Variants in PTPRB observed in about 807,000 individuals in gnomAD.
The protein encoded by PTPRB is receptor-type tyrosine-protein phosphatase beta.
A neutral mutation model predicts 238.1 loss-of-function variants in PTPRB; 97 were observed. The ratio of observed to expected loss-of-function variants is 0.41; its 90% CI spans 0.35 to 0.48. The LOEUF (loss-of-function observed/expected upper bound fraction) is 0.48, where lower values mean the gene tolerates loss of function less well. Among genes scored for constraint, PTPRB ranks in the 20% least tolerant of loss-of-function variants. The pLI is 0.30. For missense variants in PTPRB, 2,292 were observed against 2,681.9 expected, an observed-to-expected ratio of 0.85 and a Z score of 3.21; for synonymous variants, 970 against 995.4, an observed-to-expected ratio of 0.97 and a Z score of 0.48.
At position 70,535,250 on chromosome 12, in the gene PTPRB, T is replaced by TCC. The variant is rs1439865431; in HGVS notation, c.6082-297_6082-296dup. Among the ~76,000 whole-genome samples the TCC allele has an allele frequency of 4.0e-3, 417 of 103,380 alleles. 2 individuals carry two copies. The highest frequency in any genetic ancestry group is 0.013 in the African/African-American group (334 of 26,644). The allele number at this position is 103,380 out of a possible 152,430, so 67.8% of individuals were successfully genotyped here. On this transcript the variant is annotated intron_variant, in intron 29 of 33. Coordinates refer to ENST00000334414, the MANE Select transcript of PTPRB (RefSeq NM_001109754.4). ...TTTTTTTTTTTTTTTTTTTTTTTTT[T>TCC]CCCCTCAGCATTTCAGTTCCACTAG...
intron 20 of PTPRB, among the ~76,000 whole-genome samples, chr12:70,553,605 A>C (rs1387945056): frequency 6.6e-6 from 1 of 152,098 alleles, no homozygotes; most frequent in African/African-American, 2.4e-5. Flanking sequence ...TCCCCTGTCC[A>C]CCCAGCCTGC....
At position 70,586,153 on chromosome 12, in the gene PTPRB, G is replaced by A. The variant is rs1444645100; in HGVS notation, c.2311+854C>T. Among the ~76,000 whole-genome samples, 3 of 152,242 alleles carry A rather than the reference G, an allele frequency of 2.0e-5. No individual in the cohort carries two copies. The East Asian group carries it at 5.8e-4, about 29-fold the overall frequency. On this transcript the variant is annotated intron_variant, in intron 9 of 33. Coordinates refer to ENST00000334414, the MANE Select transcript of PTPRB (RefSeq NM_001109754.4). ...AGCAGCATGATTTATAATCTTTTGG[G>A]TATATACCTAGTAATGGGATGGCTG...
At position 70,609,474 on chromosome 12, in the gene PTPRB, T is replaced by A. The variant is rs929198162; in HGVS notation, c.709-135A>T. The A allele has an allele frequency of 5.8e-6, 7 of 1,212,398 alleles. No homozygotes were observed. The African/African-American group carries it at 9.1e-5, about 16-fold the overall frequency. The allele number at this position is 1,212,398 out of a possible 1,614,324, so 75.1% of individuals were successfully genotyped here. On this transcript the variant is annotated intron_variant, in intron 3 of 33. Coordinates refer to ENST00000334414, the MANE Select transcript of PTPRB (RefSeq NM_001109754.4). ...CTTGCCTCAGCCAGTCCTTTTGCCC[T>A]CTGGCCAGAGAAGAGGCTTGCAGGG...
chr12:70,527,955 T>TA (rs1460762797), intron 32 of PTPRB, among the ~76,000 whole-genome samples: 1 of 152,180 alleles, frequency 6.6e-6, no homozygotes, highest in Non-Finnish European at 1.5e-5. Context: ...AGGCAGATGA[T>TA]ACTAGGTTGA....
chr12:70,622,723 G>A, intron 2 of PTPRB, 77 bp from the exon 3 acceptor site: 1 of 1,441,962 alleles, frequency 6.9e-7, no homozygotes, highest in Non-Finnish European at 9.2e-7. Flanking sequence ...ATTTTACTTA[G>A]CAAAAGAGGG....
intron 3 of PTPRB, among the ~76,000 whole-genome samples, chr12:70,617,685 G>C (rs970901526): frequency 5.9e-5 from 9 of 152,132 alleles, no homozygotes; most frequent in Admixed American, 1.3e-4. Context: ...TGCAGGGGTG[G>C]GGTGTTTTCT....
At chr12:70,551,262 T>C (rs944193497) in intron 21 of PTPRB, among the ~76,000 whole-genome samples, 2 of 152,250 alleles carry the variant, frequency 1.3e-5, no homozygotes, top group Non-Finnish European at 2.9e-5. Context: ...TCTCCCTTGT[T>C]CTTCTGAAAT....
intron 4 of PTPRB, among the ~76,000 whole-genome samples, chr12:70,606,225 C>T (rs1168975448): frequency 6.6e-6 from 1 of 152,202 alleles, no homozygotes; most frequent in Non-Finnish European, 1.5e-5. Context: ...TCTTTATAAG[C>T]TTACTAATCA....
chr12:70,571,397 A>T (rs1880037173), intron 12 of PTPRB, 108 bp from the exon 13 acceptor site: 2 of 1,093,452 alleles, frequency 1.8e-6, no homozygotes, highest in South Asian at 3.3e-5. Flanking sequence ...CCCTTCCCCA[A>T]ATAAACCACT....
intron 13 of PTPRB, among the ~76,000 whole-genome samples, chr12:70,570,292 G>A (rs1320018226): frequency 6.6e-6 from 1 of 152,170 alleles, no homozygotes; most frequent in Non-Finnish European, 1.5e-5. Context: ...AAAAATGGCA[G>A]TGATGATAAT....
At chr12:70,605,403 T>A (rs1883862657) in intron 4 of PTPRB, among the ~76,000 whole-genome samples, 1 of 152,218 alleles carries the variant, frequency 6.6e-6, no homozygotes, top group South Asian at 2.1e-4. Context: ...CATTCATCCA[T>A]CTTTCCATTC....
intron 9 of PTPRB, among the ~76,000 whole-genome samples, chr12:70,586,386 G>A (rs1257263914): frequency 6.6e-6 from 1 of 152,118 alleles, no homozygotes; most frequent in Non-Finnish European, 1.5e-5. Context: ...GGCCTCCCTA[G>A]TCATGTGGAA....
Position 70,609,315 on chromosome 12 carries a change from A to G in PTPRB, c.733T>C (p.Cys245Arg). The G allele has an allele frequency of 6.2e-7, 1 of 1,613,980 alleles. No individual in the cohort carries two copies. The highest frequency in any genetic ancestry group is 8.5e-7 in the Non-Finnish European group (1 of 1,179,878). The stretch of plus-strand genomic sequence containing the variant: ...TTGGACTCCGCCAGGGTGAAGTTAC[A>G]TCTCTCTGGCTCCGCCAGTCCAGTC... ...EETGLAEPERCNFTLAESKAS... is the reference protein window; with the variant it reads ...EETGLAEPERRNFTLAESKAS... The change falls in exon 4 of 34, where the codon TGT becomes CGT. Residue 245 changes from cysteine to arginine, a missense_variant. Cys to Arg is a radical substitution (Grantham distance 180). Transcript: ENST00000334414.
chr12:70,572,138 A>G, intron 11 of PTPRB, 51 bp from the exon 12 acceptor site: 1 of 1,482,722 alleles, frequency 6.7e-7, no homozygotes, highest in Non-Finnish European at 9.2e-7. Flanking sequence ...TGAGTGAGTA[A>G]TTGATCACAG....
chr12:70,616,931 A>C (rs1350426425), intron 3 of PTPRB, among the ~76,000 whole-genome samples: 2 of 152,230 alleles, frequency 1.3e-5, no homozygotes, highest in African/African-American at 4.8e-5. Flanking sequence ...CACATACTCA[A>C]GTAAAATAGT....
chr12:70,605,947 G>A (rs557915020), intron 4 of PTPRB, among the ~76,000 whole-genome samples: 1 of 152,082 alleles, frequency 6.6e-6, no homozygotes, highest in Admixed American at 6.6e-5. Flanking sequence ...TCCATATCTG[G>A]TATGTTCATT....
At chr12:70,596,748 A>G (rs1401940992) in intron 4 of PTPRB, among the ~76,000 whole-genome samples, 2 of 152,182 alleles carry the variant, frequency 1.3e-5, no homozygotes, top group Non-Finnish European at 2.9e-5. Flanking sequence ...AATTTGAAAT[A>G]TACACTGAAC....
intron 3 of PTPRB, among the ~76,000 whole-genome samples, chr12:70,614,785 A>G (rs1884607153): frequency 6.6e-6 from 1 of 152,194 alleles, no homozygotes; most frequent in Non-Finnish European, 1.5e-5. Context: ...TTTACTTCGA[A>G]CCGGCTCAAT....
chr12:70,629,258 A>G (rs887284269), intron 2 of PTPRB, among the ~76,000 whole-genome samples: 1 of 152,212 alleles, frequency 6.6e-6, no homozygotes, highest in Non-Finnish European at 1.5e-5. Context: ...CTCAGACCAC[A>G]GTGCAATCAA....
Sources: gnomAD v4.1 joint callset for allele counts (sites outside exome capture counted in the v4.1 genomes callset) on GRCh38, gnomAD v4.1.1 for gene constraint, MANE v1.5 for transcripts, NCBI Gene and HGNC (gene_info 2026-07-23, HGNC 2026-07-21) for gene names.